The following MSH6 variants were observed in gnomAD, a reference collection of about 807,000 sequenced individuals.
MSH6 encodes the protein DNA mismatch repair protein Msh6.
Under a neutral mutation model 119.1 loss-of-function variants are expected in MSH6, and 85 were observed. That is an observed-to-expected ratio of 0.71 (90% CI 0.60 to 0.85). MSH6 has a LOEUF of 0.85. Among genes scored for constraint, MSH6 ranks in the 40% least tolerant of loss-of-function variants. The pLI, the probability that MSH6 is intolerant of heterozygous loss-of-function variation, is 0.00. For missense variants in MSH6, 2,163 were observed against 1,655.3 expected (o/e 1.31, Z -5.32); for synonymous variants, 830 against 586.9 (o/e 1.41, Z -5.99).
At chr2:47,791,226 G>A in intron 2 of MSH6, 103 bp downstream of exon 2, 1 of 1,137,652 alleles carries the variant, frequency 8.8e-7, no homozygotes, top group Admixed American at 1.9e-5. Context: ...GAAATTAAGT[G>A]TATTTTACCC....
chr2:47,806,413 T>A (rs1049614126), intron 8 of MSH6, 39 bp from the exon 9 acceptor site: 1 of 1,574,766 alleles, frequency 6.4e-7, no homozygotes, highest in African/African-American at 1.3e-5. Flanking sequence ...GGCACTTCTC[T>A]TGCTAGCACA....
At position 47,806,255 on chromosome 2, in the gene MSH6, A is replaced by C. The variant is rs766557450; in HGVS notation, c.3698A>C (p.Lys1233Thr). The part of the protein sequence containing the change: ...DGTAIANAVV[K>T]ELAETIKCRT... The stretch of plus-strand genomic sequence containing the variant: ...ACGGCAATAGCAAATGCAGTTGTTA[A>C]AGAACTTGCTGAGACTATAAAATGT... Residue 1233 changes from lysine to threonine, a missense_variant, in exon 8 of 10, where the codon AAA (lysine) becomes ACA (threonine). By Grantham distance (78) the Lys-to-Thr change is moderately conservative. Transcript: ENST00000234420. The C allele has an allele frequency of 5.6e-6, 9 of 1,614,020 alleles. No individual in the cohort carries two copies.
At chr2:47,804,847 A>C in intron 5 of MSH6, 63 bp from the exon 6 acceptor site, 1 of 1,282,042 alleles carries the variant, frequency 7.8e-7, no homozygotes, top group African/African-American at 1.5e-5. Flanking sequence ...TTCATAAGAA[A>C]GACAAAAGTT....
chr2:47,802,570 C>A (rs558832435), intron 4 of MSH6, among the ~76,000 whole-genome samples: 1 of 150,420 alleles, frequency 6.6e-6, no homozygotes, highest in Non-Finnish European at 1.5e-5. Context: ...GACCTCAAAG[C>A]GATCTGCCCG....
At chr2:47,806,734 A>G (rs1286572825) in intron 9 of MSH6, 45 bp from the exon 10 acceptor site, 12 of 1,551,460 alleles carry the variant, frequency 7.7e-6, no homozygotes, top group African/African-American at 1.4e-5. Context: ...ATGATGCACT[A>G]TGAAAAAACA....
At chr2:47,797,967 A>G (rs962038022) in intron 3 of MSH6, 3 of 205,272 alleles carry the variant, frequency 1.5e-5, no homozygotes, top group African/African-American at 7.0e-5. Context: ...GCCAGAGTCG[A>G]CTTACCCCCC....
intron 4 of MSH6, among the ~76,000 whole-genome samples, chr2:47,802,635 GT>G (rs527836963): frequency 0.072 from 8,384 of 115,924 alleles, 649 homozygotes; most frequent in African/African-American, 0.21. Context: ...GCCCAGCCCT[GT>G]TTTTTTTTTT....
chr2:47,803,553 T>A lies in MSH6; in HGVS notation c.3306T>A (p.Thr1102=), dbSNP rs2020910. The A allele has an allele frequency of 9.8e-3, 15,818 of 1,614,072 alleles. 1,342 individuals are homozygous for A. The East Asian group carries it at 0.24, about 24-fold the overall frequency. ...KGSRHPCITK[T]FFGDDFIPND... is the part of the protein sequence containing the mutation. ...CACGCCATCCTTGCATTACGAAGACTTTTTTTGGAGATGATTTTATTCCTA... is the reference window on the plus strand; with the variant it reads ...CACGCCATCCTTGCATTACGAAGACATTTTTTGGAGATGATTTTATTCCTA... The change falls in exon 5 of 10, where the codon ACT becomes ACA. Residue 1102 remains threonine, a synonymous_variant. Transcript: ENST00000234420.
intron 1 of MSH6, among the ~76,000 whole-genome samples, chr2:47,788,906 C>CTTTTTTTTTTTTTTGTTTTTTTTGTTTTT (rs1491155839): frequency 9.5e-4 from 15 of 15,830 alleles, no homozygotes; most frequent in African/African-American, 5.4e-3. Context: ...CTTTCTTCTT[C>CTTTTTTTTTTTTTTGTTTTTTTTGTTTTT]CTTTTTTTTT....
intron 1 of MSH6, among the ~76,000 whole-genome samples, chr2:47,785,570 A>C (rs966998702): frequency 1.3e-5 from 2 of 152,220 alleles, no homozygotes; most frequent in Non-Finnish European, 2.9e-5. Flanking sequence ...ATCCAGTTTA[A>C]AGTGTCCTAA....
rs587782352 is a variant in MSH6, at chr2:47,799,590, G to A, written c.1607G>A (p.Ser536Asn). 3.7e-6 allele frequency: 6 copies of A among 1,614,176 alleles called. No individual in the cohort carries two copies. Among genetic ancestry groups the A allele is most frequent in the South Asian group, 1.1e-5 (1 of 91,086 alleles). The change falls in exon 4 of 10, where the codon AGT (serine) becomes AAT (asparagine). Residue 536 changes from serine (S) to asparagine (N), a missense_variant. Physicochemically the swap from Ser to Asn is conservative, Grantham distance 46. Coordinates refer to ENST00000234420, the MANE Select transcript of MSH6 (RefSeq NM_000179.3). Reference protein sequence around the residue: ...VLEGDPSENYSKYLLSLKEKE... With the variant: ...VLEGDPSENYNKYLLSLKEKE... ...GAAGGTGATCCCTCTGAGAACTACA[G>A]TAAGTATCTTCTTAGCCTCAAAGAA...
intron 4 of MSH6, among the ~76,000 whole-genome samples, chr2:47,802,002 T>C (rs564031000): frequency 6.6e-6 from 1 of 152,218 alleles, no homozygotes. Flanking sequence ...GATCGAATTT[T>C]ATTTATCAAT....
chr2:47,794,781 C>T (rs775218380), intron 2 of MSH6, among the ~76,000 whole-genome samples: 2 of 151,928 alleles, frequency 1.3e-5, no homozygotes, highest in Non-Finnish European at 2.9e-5. Flanking sequence ...ACAGTGTAGT[C>T]TTTGTCTTCC....
chr2:47,809,539 C>G, downstream of MSH6: 1 of 1,237,348 alleles, frequency 8.1e-7, no homozygotes, highest in Non-Finnish European at 1.2e-6. Context: ...TATAAAACGG[C>G]TTCTGATTAT....
intron 5 of MSH6, among the ~76,000 whole-genome samples, chr2:47,804,709 G>A (rs1411804794): frequency 6.6e-6 from 1 of 152,176 alleles, no homozygotes; most frequent in Non-Finnish European, 1.5e-5. Flanking sequence ...TAAAGGCCAG[G>A]TGAGGCCCTA....
intron 2 of MSH6, among the ~76,000 whole-genome samples, chr2:47,794,323 G>GT: frequency 6.6e-6 from 1 of 152,182 alleles, no homozygotes. Context: ...CCAGGCTGGA[G>GT]TGCAATGGTG....
intron 5 of MSH6, 100 bp from the exon 6 acceptor site, chr2:47,804,810 T>G (rs1174747696): frequency 1.1e-6 from 1 of 884,522 alleles, no homozygotes; most frequent in Non-Finnish European, 1.9e-6. Flanking sequence ...GAAAGTTGTT[T>G]TAGAGTGCCT....
At chr2:47,809,213 G>A, downstream of MSH6, 1 of 1,606,794 alleles carries the variant, frequency 6.2e-7, no homozygotes, top group Non-Finnish European at 8.5e-7. Flanking sequence ...TATAAACATT[G>A]GCCTCTACTA....
chr2:47,807,966 T>C, downstream of MSH6: 1 of 686,856 alleles, frequency 1.5e-6, no homozygotes, highest in Non-Finnish European at 2.4e-6. Flanking sequence ...TTCTTTTTGG[T>C]AGCTTGAGCT....
Sources: allele counts gnomAD v4.1 joint callset (sites outside exome capture counted in the v4.1 genomes callset), GRCh38; gene constraint gnomAD v4.1.1; transcripts MANE v1.5; gene names NCBI Gene and HGNC (gene_info 2026-07-23, HGNC 2026-07-21).